The following LRRC34 variants were observed in gnomAD, a reference collection of about 807,000 sequenced individuals.
LRRC34 encodes leucine-rich repeat-containing protein 34.
Under a neutral mutation model 48.5 loss-of-function variants are expected in LRRC34, and 44 were observed. The ratio of observed to expected loss-of-function variants is 0.91; its 90% confidence interval spans 0.71 to 1.17. LRRC34 has a LOEUF of 1.17. Ranked by LOEUF, LRRC34 falls within the 50% of genes most tolerant of loss-of-function variation. The pLI is 0.00. For synonymous variants in LRRC34, 192 were observed against 197.6 expected (o/e 0.97, Z 0.24); for missense variants, 502 against 563.0 (o/e 0.89, Z 1.10).
At chr3:169,800,555 A>G in intron 7 of LRRC34, 104 bp downstream of exon 7, 1 of 569,284 alleles carries the variant, frequency 1.8e-6, no homozygotes, top group African/African-American at 1.9e-5. Context: ...TAGTAAGTAC[A>G]TCTCTAAAAA....
chr3:169,807,766 A>G lies in LRRC34; in HGVS notation c.258-57T>C, dbSNP rs531662283. The G allele has an allele frequency of 5.0e-5, 73 of 1,470,148 alleles. No homozygotes were observed. The African/African-American group carries it at 8.5e-4, about 17-fold the overall frequency. 91.1% of individuals were successfully genotyped at this position (1,470,148 alleles called of 1,614,324 possible). Reference sequence around the variant, plus strand: ...AAAGATTTTGAAATAGAAACCCAGTAAAGAAGTAAAAGTATGTTTCCTTCA... The same window carrying G: ...AAAGATTTTGAAATAGAAACCCAGTGAAGAAGTAAAAGTATGTTTCCTTCA... On this transcript the variant is annotated intron_variant, in intron 2 of 10. Coordinates refer to ENST00000446859, the MANE Select transcript of LRRC34 (RefSeq NM_001172779.2).
At chr3:169,804,894 G>A (rs1289780667) in intron 5 of LRRC34, among the ~76,000 whole-genome samples, 3 of 152,148 alleles carry the variant, frequency 2.0e-5, no homozygotes, top group Non-Finnish European at 4.4e-5. Context: ...CCTGTAGCTA[G>A]TTCCAAAACA....
chr3:169,806,497 T>C (rs918250867), intron 5 of LRRC34, among the ~76,000 whole-genome samples: 1 of 149,448 alleles, frequency 6.7e-6, no homozygotes, highest in African/African-American at 2.5e-5. Context: ...GTAGAAAAGA[T>C]GGAGAGGGAT....
chr3:169,809,967 T>A (rs543036226), intron 1 of LRRC34, among the ~76,000 whole-genome samples: 1 of 151,920 alleles, frequency 6.6e-6, no homozygotes, highest in East Asian at 1.9e-4. Context: ...TCTTTTTTTT[T>A]TTTTTTTGAG....
At chr3:169,802,993 T>C (rs1779249704) in intron 6 of LRRC34, among the ~76,000 whole-genome samples, 1 of 150,474 alleles carries the variant, frequency 6.6e-6, no homozygotes, top group Non-Finnish European at 1.5e-5. Flanking sequence ...AAAAAAAAAG[T>C]TAATCCTTCA....
chr3:169,795,884 C>T, intron 9 of LRRC34: 2 of 1,158,408 alleles, frequency 1.7e-6, no homozygotes, highest in East Asian at 4.3e-5. Context: ...ATAAATGCAT[C>T]CAAGTATTTT....
At position 169,812,261 on chromosome 3, in the gene LRRC34, C is replaced by G; in HGVS notation, c.139+149G>C. ...CCTCGTTTCTGGGCGCCCCAAACCT[C>G]TGGCCACAGCTGGGGTTCCCAGGGG... On this transcript the variant is annotated intron_variant, in intron 1 of 10. Coordinates refer to ENST00000446859, the MANE Select transcript of LRRC34 (RefSeq NM_001172779.2). This position sits in a 1 kb window ranked among gnomAD's most constrained non-coding sequence, Gnocchi z 4.3. The G allele has an allele frequency of 8.9e-7, 1 of 1,118,102 alleles. No homozygotes were observed. Among genetic ancestry groups the G allele is most frequent in the African/African-American group, 1.7e-5 (1 of 60,142 alleles). 69.3% of individuals were successfully genotyped at this position (1,118,102 alleles called of 1,614,324 possible). A position where few individuals can be genotyped will look rare whatever the true frequency, so the allele number is the denominator to read the frequency against.
intron 6 of LRRC34, among the ~76,000 whole-genome samples, chr3:169,802,618 AGAT>A (rs1262254799): frequency 1.1e-4 from 17 of 152,268 alleles, no homozygotes; most frequent in African/African-American, 3.1e-4. Context: ...TGGTATGTGG[AGAT>A]GATAAGTACC....
At position 169,795,586 on chromosome 3, in the gene LRRC34, C is replaced by CT; in HGVS notation, c.1089dup (p.Glu364ArgfsTer29). On this transcript the variant is annotated frameshift_variant, in exon 10 of 11. Coordinates refer to ENST00000446859, the MANE Select transcript of LRRC34 (RefSeq NM_001172779.2). LOFTEE classifies it high-confidence loss of function. The stretch of plus-strand genomic sequence containing the variant: ...GAAAGTGCAACAAGTCCTTCTCCCT[C>CT]TATGTTGTTGCTGACTACTGACAAC... 6.2e-7 allele frequency: 1 copy of CT among 1,612,262 alleles called. No homozygotes were observed. Among genetic ancestry groups the CT allele is most frequent in the Non-Finnish European group, 8.5e-7 (1 of 1,178,826 alleles).
intron 10 of LRRC34, chr3:169,794,514 G>C (rs1389670189): frequency 6.6e-6 from 1 of 151,978 alleles, no homozygotes; most frequent in African/African-American, 2.4e-5. Context: ...CTGGGTTCAA[G>C]AGATTCTCCT....
intron 9 of LRRC34, chr3:169,795,836 A>G (rs1778966260): frequency 8.3e-7 from 1 of 1,212,076 alleles, no homozygotes; most frequent in South Asian, 3.0e-5. Context: ...TATATTATTC[A>G]GTAAATGTTT....
intron 6 of LRRC34, among the ~76,000 whole-genome samples, chr3:169,802,506 ACTT>A (rs1242663884): frequency 6.6e-6 from 1 of 152,108 alleles, no homozygotes; most frequent in Non-Finnish European, 1.5e-5. Context: ...ACTTTCCTCT[ACTT>A]CTTCATTGGT....
At chr3:169,805,230 A>G (rs771056048) in intron 5 of LRRC34, among the ~76,000 whole-genome samples, 21 of 152,214 alleles carry the variant, frequency 1.4e-4, no homozygotes, top group Non-Finnish European at 2.8e-4. Flanking sequence ...ATGTGACACC[A>G]TCTTGCATAG....
In LRRC34 at chr3:169,808,623, C is replaced by T. The variant is rs939441923; in HGVS notation, c.257+5G>A. 1 of 1,367,142 alleles carries T rather than the reference C, an allele frequency of 7.3e-7. No individual in the cohort carries two copies. Among genetic ancestry groups the T allele is most frequent in the African/African-American group, 1.5e-5 (1 of 68,542 alleles). 84.7% of individuals were successfully genotyped at this position (1,367,142 alleles called of 1,614,324 possible). ...TTAATGTAATCAAGTATTTGTCTTTCTTACCCCTTTTTAATTTCTTCATCC... is the reference window on the plus strand; with the variant it reads ...TTAATGTAATCAAGTATTTGTCTTTTTTACCCCTTTTTAATTTCTTCATCC... On this transcript the variant is annotated splice_donor_5th_base_variant and intron_variant, in intron 2 of 10. Coordinates refer to ENST00000446859, the MANE Select transcript of LRRC34 (RefSeq NM_001172779.2).
chr3:169,812,617 T>C lies in LRRC34; in HGVS notation c.-69A>G, dbSNP rs1576754687. The C allele has an allele frequency of 3.5e-6, 5 of 1,408,508 alleles. No individual in the cohort carries two copies. The highest frequency in any genetic ancestry group is 1.5e-5 in the South Asian group (1 of 64,826). 87.3% of individuals were successfully genotyped at this position (1,408,508 alleles called of 1,614,324 possible). ...GGCTACACGAGCCTCGGCGCCAGCC[T>C]GCTTCGAGTCCCGCTGGCTGTGCCT... On this transcript the variant is annotated 5_prime_UTR_variant, in exon 1 of 11. Transcript: ENST00000446859. The surrounding 1 kb of genome is among the most constrained non-coding windows in gnomAD (Gnocchi z 4.3).
intron 8 of LRRC34, 173 bp downstream of exon 8, chr3:169,796,572 A>T: frequency 1.1e-6 from 1 of 891,926 alleles, no homozygotes; most frequent in Non-Finnish European, 1.6e-6. Flanking sequence ...CATTTATGTT[A>T]CTAAAAGATA....
At position 169,812,200 on chromosome 3, in the gene LRRC34, C is replaced by T. The variant is rs187198879; in HGVS notation, c.139+210G>A. Among the ~76,000 whole-genome samples, 650 of 151,710 alleles carry T rather than the reference C, an allele frequency of 4.3e-3. 8 individuals carry two copies. The highest frequency in any genetic ancestry group is 0.027 in the Middle Eastern group (8 of 294). On this transcript the variant is annotated intron_variant, in intron 1 of 10. Transcript: ENST00000446859. This position sits in a 1 kb window ranked among gnomAD's most constrained non-coding sequence, Gnocchi z 4.3. Reference sequence around the variant, plus strand: ...CTCTCCGTGGACTCCTCTCCTGCCCCCGGTCGCAAAGGGCGACCGGGGACT... The same window carrying T: ...CTCTCCGTGGACTCCTCTCCTGCCCTCGGTCGCAAAGGGCGACCGGGGACT...
rs1015785186 is a variant in LRRC34 at position 169,793,013 on chromosome 3, T to C, written c.*622A>G. Among the ~76,000 whole-genome samples, 1 of 152,216 alleles carries C rather than the reference T, an allele frequency of 6.6e-6. No individual in the cohort carries two copies. Among genetic ancestry groups the C allele is most frequent in the Non-Finnish European group, 1.5e-5 (1 of 68,032 alleles). On this transcript the variant is annotated 3_prime_UTR_variant, in exon 11 of 11. Coordinates refer to ENST00000446859, the MANE Select transcript of LRRC34 (RefSeq NM_001172779.2). ...AGCCAGACACAAAGAGAGTGTATAC[T>C]GTATGCTTCCATTTATATAAAGGTC...
chr3:169,793,922 T>C (rs1778889459), intron 10 of LRRC34, 84 bp from the exon 11 acceptor site: 4 of 858,054 alleles, frequency 4.7e-6, no homozygotes, highest in Non-Finnish European at 7.0e-6. Flanking sequence ...ATATTCAAAT[T>C]AGCTGTGCTA....
Sources: gnomAD v4.1 joint callset for allele counts (sites outside exome capture counted in the v4.1 genomes callset) on GRCh38, gnomAD v4.1.1 for gene constraint, Gnocchi (gnomAD v3.1) non-coding constraint, MANE v1.5 for transcripts, NCBI Gene and HGNC (gene_info 2026-07-23, HGNC 2026-07-21) for gene names.